The following ACTR6 variants were observed in gnomAD, a reference collection of about 807,000 sequenced individuals.
ACTR6 encodes actin related protein 6, also known as actin-related protein 6.
In ACTR6, 50 loss-of-function variants were observed where a neutral mutation model predicts 52.5. That is an observed-to-expected ratio of 0.95 (90% CI 0.76 to 1.20). The LOEUF (loss-of-function observed/expected upper bound fraction) is 1.20, where lower values mean the gene tolerates loss of function less well. ACTR6 is among the 50% of genes most tolerant of loss of function. The pLI is 0.00. For missense variants in ACTR6, 344 were observed against 472.4 expected, an observed-to-expected ratio of 0.73 and a Z score of 2.52; for synonymous variants, 135 against 147.2, an observed-to-expected ratio of 0.92 and a Z score of 0.60.
intron 3 of ACTR6, 51 bp downstream of exon 3, chr12:100,205,795 TG>T (rs1445163296): frequency 1.9e-6 from 2 of 1,059,956 alleles, no homozygotes; most frequent in African/African-American, 3.3e-5. Context: ...TTAATTGTAA[TG>T]AAAAATTAGA....
In ACTR6 at chr12:100,212,317, G is replaced by A; in HGVS notation, c.634G>A (p.Val212Met). The change falls in exon 7 of 11, where the codon GTG becomes ATG. Residue 212 changes from valine to methionine, a missense_variant. Coordinates refer to ENST00000188312, the MANE Select transcript of ACTR6 (RefSeq NM_022496.5). Reference protein sequence around the residue: ...INQVKEDVCYVSQDFYRDMDI... With the variant: ...INQVKEDVCYMSQDFYRDMDI... ...TCAAGTGAAAGAAGATGTATGCTAT[G>A]TGTCTCAGGATTTTTATAGAGACAT... The A allele has an allele frequency of 1.2e-6, 2 of 1,612,584 alleles. No homozygotes were observed. The highest frequency in any genetic ancestry group is 1.7e-6 in the Non-Finnish European group (2 of 1,179,218).
intron 6 of ACTR6, among the ~76,000 whole-genome samples, chr12:100,211,500 T>C (rs2096119898): frequency 2.0e-5 from 3 of 152,162 alleles, no homozygotes; most frequent in Non-Finnish European, 4.4e-5. Flanking sequence ...CTTAAACTCG[T>C]GGGTTTAAGC....
At chr12:100,216,402 G>A (rs574411722) in intron 8 of ACTR6, among the ~76,000 whole-genome samples, 8 of 152,358 alleles carry the variant, frequency 5.3e-5, no homozygotes, top group Non-Finnish European at 1.0e-4. Context: ...CTGGGCCCAA[G>A]TGATCCTCCC....
Position 100,224,156 on chromosome 12 carries a change from T to G in ACTR6, c.*241T>G, listed in dbSNP as rs1439072119. On this transcript the variant is annotated 3_prime_UTR_variant, in exon 11 of 11. Coordinates refer to ENST00000188312, the MANE Select transcript of ACTR6 (RefSeq NM_022496.5). ...ACAATGCTTATGCTGTTTCCAAGGG[T>G]AGGTTATTTTTCATTAAAAGAAGAA... The G allele has an allele frequency of 3.6e-6, 1 of 281,652 alleles. No individual in the cohort carries two copies. The highest frequency in any genetic ancestry group is 6.5e-6 in the Non-Finnish European group (1 of 154,692). The allele number at this position is 281,652 out of a possible 1,614,324, so 17.4% of individuals were successfully genotyped here. A position where few individuals can be genotyped will look rare whatever the true frequency, so the allele number is the denominator to read the frequency against.
rs765395359 is a variant in ACTR6 at position 100,212,494 on chromosome 12, C to T, written c.716C>T (p.Pro239Leu). Residue 239 changes from proline (P) to leucine (L), a missense_variant, in exon 8 of 11, where the codon CCT becomes CTT. By Grantham distance (98) the Pro-to-Leu change is moderately conservative (BLOSUM62 -3). Transcript: ENST00000188312. ...ENTVMIDYVL[P>L]DFSTIKKGFC... ...ACAGTAATGATAGACTATGTCTTGC[C>T]TGACTTCAGTACAATTAAAAAGGGC... The T allele has an allele frequency of 6.2e-7, 1 of 1,613,776 alleles. No individual in the cohort carries two copies. Among genetic ancestry groups the T allele is most frequent in the Non-Finnish European group, 8.5e-7 (1 of 1,179,822 alleles).
chr12:100,210,278 G>C lies in ACTR6; in HGVS notation c.516-17G>C, dbSNP rs145351880. 4 of 1,613,336 alleles carry C rather than the reference G, an allele frequency of 2.5e-6. No homozygotes were observed. The highest frequency in any genetic ancestry group is 2.7e-5 in the African/African-American group (2 of 75,028). ...AATGATATGTGCGATAATTAAATTTGAGTTCTCCCCTTGCAGGATAAATGT... is the reference window on the plus strand; with the variant it reads ...AATGATATGTGCGATAATTAAATTTCAGTTCTCCCCTTGCAGGATAAATGT... On this transcript the variant is annotated splice_polypyrimidine_tract_variant and intron_variant, in intron 5 of 10. Transcript: ENST00000188312.
At chr12:100,213,022 A>G (rs1025707928) in intron 8 of ACTR6, among the ~76,000 whole-genome samples, 11 of 151,688 alleles carry the variant, frequency 7.3e-5, no homozygotes, top group African/African-American at 2.7e-4. Flanking sequence ...AAAAAAAAAA[A>G]AAAAAAGAAT....
chr12:100,214,017 A>C (rs1276304641), intron 8 of ACTR6, among the ~76,000 whole-genome samples: 1 of 152,252 alleles, frequency 6.6e-6, no homozygotes, highest in African/African-American at 2.4e-5. Flanking sequence ...ATAGTAAAAT[A>C]ATAAGCAGTA....
chr12:100,201,527 AAATT>A (rs2096109669), intron 1 of ACTR6, among the ~76,000 whole-genome samples: 1 of 152,262 alleles, frequency 6.6e-6, no homozygotes, highest in South Asian at 2.1e-4. Context: ...GCATTAAAAA[AAATT>A]CTTTCCTTCC....
In ACTR6 at chr12:100,216,907, G is replaced by C. The variant is rs188083805; in HGVS notation, c.751-1508G>C. On this transcript the variant is annotated intron_variant, in intron 8 of 10. Coordinates refer to ENST00000188312, the MANE Select transcript of ACTR6 (RefSeq NM_022496.5). The stretch of plus-strand genomic sequence containing the variant: ...TCTTCCTGGAGTATTTGTGAATACT[G>C]TATAATTTTCAGGATATTTTTTATT... Among the ~76,000 whole-genome samples, 196 of 149,922 alleles carry C rather than the reference G, an allele frequency of 1.3e-3. 2 individuals are homozygous for C. The highest frequency in any genetic ancestry group is 1.9e-3 in the Non-Finnish European group (127 of 68,004).
intron 8 of ACTR6, among the ~76,000 whole-genome samples, chr12:100,213,025 A>AT (rs2096121159): frequency 2.6e-5 from 4 of 151,666 alleles, no homozygotes; most frequent in African/African-American, 9.7e-5. Context: ...AAAAAAAAAA[A>AT]AAAGAATTTC....
intron 6 of ACTR6, among the ~76,000 whole-genome samples, chr12:100,211,187 A>G (rs903771006): frequency 5.9e-5 from 9 of 152,118 alleles, no homozygotes; most frequent in African/African-American, 2.2e-4. Flanking sequence ...AGATAACTAG[A>G]AGGAGGATAT....
At chr12:100,208,870 C>T (rs1304919389) in intron 4 of ACTR6, 3 of 441,212 alleles carry the variant, frequency 6.8e-6, no homozygotes, top group Non-Finnish European at 1.4e-5. Context: ...CCTCAGCCTC[C>T]CAAGTAGCTG....
At chr12:100,220,632 T>C (rs1443701233) in intron 10 of ACTR6, among the ~76,000 whole-genome samples, 1 of 152,218 alleles carries the variant, frequency 6.6e-6, no homozygotes, top group East Asian at 1.9e-4. Context: ...AAAACTGTTT[T>C]ATGTCTACCC....
rs527643226 is a variant in ACTR6, at chr12:100,218,215, T to C, written c.751-200T>C. Reference sequence around the variant, plus strand: ...GGAACAGCCATATTAGCGTCAGTAATTATTTAGTTGTGTTTTGTGTGATTT... The same window carrying C: ...GGAACAGCCATATTAGCGTCAGTAACTATTTAGTTGTGTTTTGTGTGATTT... On this transcript the variant is annotated intron_variant, in intron 8 of 10. Transcript: ENST00000188312. This position sits in a 1 kb window ranked among gnomAD's most constrained non-coding sequence, Gnocchi z 4.2. Among the ~76,000 whole-genome samples the C allele has an allele frequency of 7.9e-5, 12 of 152,286 alleles. No individual in the cohort carries two copies. Among genetic ancestry groups the C allele is most frequent in the African/African-American group, 2.9e-4 (12 of 41,560 alleles).
intron 1 of ACTR6, among the ~76,000 whole-genome samples, chr12:100,202,121 G>C (rs1419569262): frequency 6.6e-6 from 1 of 151,982 alleles, no homozygotes; most frequent in Admixed American, 6.6e-5. Context: ...TAGTAGAGAC[G>C]GGGGTTTCAC....
Position 100,212,516 on chromosome 12 carries a change from G to A in ACTR6, c.738G>A (p.Lys246=). 1 of 1,612,974 alleles carries A rather than the reference G, an allele frequency of 6.2e-7. No homozygotes were observed. ...TGCCTGACTTCAGTACAATTAAAAAGGGCTTTTGTAAGGTAATTTTTAAAA... is the reference window on the plus strand; with the variant it reads ...TGCCTGACTTCAGTACAATTAAAAAAGGCTTTTGTAAGGTAATTTTTAAAA... The part of the protein sequence containing the change: ...YVLPDFSTIK[K]GFCKPREEMV... The change falls in exon 8 of 11, where the codon AAG becomes AAA. Residue 246 remains lysine (K), a synonymous_variant. Transcript: ENST00000188312.
In ACTR6 at chr12:100,205,509, A is replaced by T. The variant is rs1192761329; in HGVS notation, c.187-167A>T. The T allele has an allele frequency of 8.6e-5, 35 of 405,728 alleles. 1 individual carries two copies. The highest frequency in any genetic ancestry group is 7.3e-4 in the Middle Eastern group (1 of 1,370). The allele number at this position is 405,728 out of a possible 1,614,324, so 25.1% of individuals were successfully genotyped here. A position where few individuals can be genotyped will look rare whatever the true frequency, so the allele number is the denominator to read the frequency against. ...AAGTATAATAAAAAAATTTTTTTTT[A>T]AATTAAAAAAAAGAAATTCATACAG... is the stretch of plus-strand genomic sequence containing the variant. On this transcript the variant is annotated intron_variant, in intron 2 of 10. Transcript: ENST00000188312.
Position 100,221,264 on chromosome 12 carries a change from C to T in ACTR6, c.1061+1118C>T, listed in dbSNP as rs970639281. Among the ~76,000 whole-genome samples the T allele has an allele frequency of 2.0e-5, 3 of 152,160 alleles. No homozygotes were observed. In the East Asian group the frequency reaches 5.8e-4, roughly 29 times the overall value. On this transcript the variant is annotated intron_variant, in intron 10 of 10. Coordinates refer to ENST00000188312, the MANE Select transcript of ACTR6 (RefSeq NM_022496.5). ...TGGCAGAGTTGCAAACAAGACCCCACATACCTGACTCTTAATTCTAGAGTT... is the reference window on the plus strand; with the variant it reads ...TGGCAGAGTTGCAAACAAGACCCCATATACCTGACTCTTAATTCTAGAGTT...
Sources: gnomAD v4.1 joint callset for allele counts (sites outside exome capture counted in the v4.1 genomes callset) on GRCh38, gnomAD v4.1.1 for gene constraint, Gnocchi (gnomAD v3.1) non-coding constraint, MANE v1.5 for transcripts, NCBI Gene and HGNC (gene_info 2026-07-23, HGNC 2026-07-21) for gene names.